CSGALNACT1: variants seen among roughly 807,000 people sequenced by gnomAD.
CSGALNACT1 encodes the protein chondroitin sulfate N-acetylgalactosaminyltransferase 1, also known as beta4GalNAcT-1.
In CSGALNACT1, 52 loss-of-function variants were observed where a neutral mutation model predicts 51.0. The observed-to-expected ratio is 1.02, with a 90% CI of 0.82 to 1.29. CSGALNACT1 has a LOEUF of 1.29. CSGALNACT1 is among the 50% of genes most tolerant of loss of function. The probability of loss-of-function intolerance (pLI) is 0.00; values close to 1 mark genes in which losing one functional copy is unlikely to be tolerated. For synonymous variants in CSGALNACT1, 341 were observed against 254.4 expected (o/e 1.34, Z -3.24); for missense variants, 935 against 679.2 (o/e 1.38, Z -4.19).
At chr8:19,622,059 G>C (rs992496570) in intron 1 of CSGALNACT1, among the ~76,000 whole-genome samples, 5 of 152,330 alleles carry the variant, frequency 3.3e-5, no homozygotes, top group African/African-American at 1.2e-4. Flanking sequence ...CCAATTTCAA[G>C]CTACAAAATG....
chr8:19,581,837 A>T (rs1422797854), intron 3 of CSGALNACT1, among the ~76,000 whole-genome samples: 2 of 152,268 alleles, frequency 1.3e-5, no homozygotes, highest in Non-Finnish European at 1.5e-5. Context: ...CTTAACATGT[A>T]GACGGAAAGC....
chr8:19,568,901 G>T (rs2042437193), intron 3 of CSGALNACT1, among the ~76,000 whole-genome samples: 1 of 152,160 alleles, frequency 6.6e-6, no homozygotes, highest in Admixed American at 6.5e-5. Context: ...AGCCTCAACA[G>T]ATCAAACATC....
intron 4 of CSGALNACT1, among the ~76,000 whole-genome samples, chr8:19,502,142 C>T (rs1042700963): frequency 6.6e-6 from 1 of 152,244 alleles, no homozygotes; most frequent in Non-Finnish European, 1.5e-5. Flanking sequence ...TATCTGATTG[C>T]TTCCTTTTAT....
At chr8:19,570,036 G>A (rs1163056798) in intron 3 of CSGALNACT1, among the ~76,000 whole-genome samples, 1 of 151,974 alleles carries the variant, frequency 6.6e-6, no homozygotes, top group Admixed American at 6.5e-5. Context: ...GGTCCAAATA[G>A]TGGCACGCTT....
chr8:19,573,607 G>A (rs115211998), intron 3 of CSGALNACT1, among the ~76,000 whole-genome samples: 1 of 151,954 alleles, frequency 6.6e-6, no homozygotes, highest in Non-Finnish European at 1.5e-5. Context: ...CCACATCCAG[G>A]TAATTTTTGT....
intron 3 of CSGALNACT1, chr8:19,532,033 A>G (rs936089036): frequency 2.0e-5 from 3 of 152,098 alleles, no homozygotes; most frequent in African/African-American, 7.2e-5. Flanking sequence ...TCTAAGGAAA[A>G]TAGTCCTGAC....
intron 5 of CSGALNACT1, among the ~76,000 whole-genome samples, chr8:19,447,049 G>C (rs992462468): frequency 2.0e-5 from 3 of 152,166 alleles, no homozygotes; most frequent in African/African-American, 7.2e-5. Flanking sequence ...AGCCCTTCAT[G>C]GTCTTTGAGT....
chr8:19,486,834 C>T (rs530396415), intron 4 of CSGALNACT1, among the ~76,000 whole-genome samples: 48 of 152,274 alleles, frequency 3.2e-4, no homozygotes, highest in African/African-American at 9.1e-4. Flanking sequence ...AGCCCTGCAA[C>T]GTAGATTTTG....
At chr8:19,505,896 G>C in exon 4 of CSGALNACT1, 1 of 1,590,768 alleles carries the variant, frequency 6.3e-7, no homozygotes, top group Non-Finnish European at 8.5e-7. Flanking sequence ...CCCCACGGAA[G>C]GGCTTCCCTG....
intron 1 of CSGALNACT1, among the ~76,000 whole-genome samples, chr8:19,667,008 A>AAGGAAGGAAGG (rs1564386127): frequency 2.9e-4 from 9 of 31,428 alleles, no homozygotes; most frequent in African/African-American, 4.3e-4. Flanking sequence ...AGAAAGAAAG[A>AAGGAAGGAAGG]AAGAAAGAAA....
At chr8:19,415,818 C>A (rs2056753379) in intron 8 of CSGALNACT1, among the ~76,000 whole-genome samples, 1 of 152,144 alleles carries the variant, frequency 6.6e-6, no homozygotes, top group South Asian at 2.1e-4. Context: ...CCTTTCAATC[C>A]AATTAGAAGC....
chr8:19,518,681 C>T (rs780990508), intron 3 of CSGALNACT1, among the ~76,000 whole-genome samples: 1 of 152,150 alleles, frequency 6.6e-6, no homozygotes, highest in Non-Finnish European at 1.5e-5. Flanking sequence ...CATGTGTGTC[C>T]GTGTCCTCAG....
chr8:19,518,737 A>G (rs1012230397), intron 3 of CSGALNACT1, among the ~76,000 whole-genome samples: 1 of 152,104 alleles, frequency 6.6e-6, no homozygotes, highest in African/African-American at 2.4e-5. Context: ...TACCCCAGAC[A>G]ATGTAGCTGC....
intron 1 of CSGALNACT1, among the ~76,000 whole-genome samples, chr8:19,721,735 C>T (rs777830390): frequency 7.2e-5 from 11 of 152,194 alleles, no homozygotes; most frequent in Non-Finnish European, 1.3e-4. Flanking sequence ...AGAAATATCA[C>T]GCATTATGCT....
At chr8:19,459,854 G>C (rs1462209191) in intron 4 of CSGALNACT1, among the ~76,000 whole-genome samples, 1 of 152,202 alleles carries the variant, frequency 6.6e-6, no homozygotes, top group Non-Finnish European at 1.5e-5. Flanking sequence ...AGAGGCAGGA[G>C]AGAAGTCTAG....
At position 19,419,224 on chromosome 8, in the gene CSGALNACT1, A is replaced by G. The variant is rs115183309; in HGVS notation, c.1133-474T>C. On this transcript the variant is annotated intron_variant, in intron 7 of 9. Transcript: ENST00000454498. The stretch of plus-strand genomic sequence containing the variant: ...GCAGCACCAAGTGGACCAGACAGTC[A>G]TATCTGCAAATATTTCTGATCTCCC... Among the ~76,000 whole-genome samples the G allele has an allele frequency of 5.6e-3, 860 of 152,306 alleles. 18 individuals carry two copies. Among genetic ancestry groups the G allele is most frequent in the African/African-American group, 0.02 (828 of 41,564 alleles).
intron 1 of CSGALNACT1, among the ~76,000 whole-genome samples, chr8:19,629,928 C>G (rs964460530): frequency 1.3e-5 from 2 of 151,962 alleles, no homozygotes; most frequent in Non-Finnish European, 2.9e-5. Context: ...TCTGAGACGC[C>G]CAGTAGGCCA....
At chr8:19,470,225 T>G (rs941223751) in intron 4 of CSGALNACT1, among the ~76,000 whole-genome samples, 3 of 152,004 alleles carry the variant, frequency 2.0e-5, no homozygotes, top group African/African-American at 7.2e-5. Flanking sequence ...GGGATACAAA[T>G]AGAGAAAGCT....
chr8:19,540,613 T>G (rs190044623), intron 3 of CSGALNACT1, among the ~76,000 whole-genome samples: 3 of 152,186 alleles, frequency 2.0e-5, no homozygotes, highest in Non-Finnish European at 1.5e-5. Context: ...GTGGGCCAGG[T>G]TCTTTGTGAT....
Sources: allele counts gnomAD v4.1 joint callset (sites outside exome capture counted in the v4.1 genomes callset), GRCh38; gene constraint gnomAD v4.1.1; transcripts MANE v1.5; gene names NCBI Gene and HGNC (gene_info 2026-07-23, HGNC 2026-07-21).